Variants in ANXA2 observed in about 807,000 individuals in gnomAD.
ANXA2 encodes the protein annexin A2.
A neutral mutation model predicts 47.3 loss-of-function variants in ANXA2; 28 were observed. That is an observed-to-expected ratio of 0.59 (90% CI 0.44 to 0.81). ANXA2 has a LOEUF of 0.81. Among genes scored for constraint, ANXA2 ranks in the 40% least tolerant of loss-of-function variants. ANXA2 has a pLI of 0.00. For synonymous variants in ANXA2, 172 were observed against 155.5 expected, an observed-to-expected ratio of 1.11 and a Z score of -0.79; for missense variants, 384 against 414.3, an observed-to-expected ratio of 0.93 and a Z score of 0.64.
In ANXA2 at chr15:60,373,286, C is replaced by G. The variant is rs542841276; in HGVS notation, c.149-8763G>C. 4.5e-4 allele frequency among the ~76,000 whole-genome samples: 68 copies of G among 152,196 alleles called. 1 individual carries two copies. The South Asian group carries it at 0.013, about 30-fold the overall frequency. ...AATGCATGGCCACTAAAGGGATAAC[C>G]CAGTTGAGGTTTTCTTCAGCAGAAA... On this transcript the variant is annotated intron_variant, in intron 3 of 12. Coordinates refer to ENST00000451270, the MANE Select transcript of ANXA2 (RefSeq NM_004039.3).
At chr15:60,359,930 C>T (rs900066520) in intron 5 of ANXA2, among the ~76,000 whole-genome samples, 2 of 152,234 alleles carry the variant, frequency 1.3e-5, no homozygotes, top group African/African-American at 4.8e-5. Flanking sequence ...GTACAACATA[C>T]ATTAATGTGT....
chr15:60,397,898 C>T (rs772942595), intron 1 of ANXA2, 45 bp downstream of exon 1: 74 of 1,350,706 alleles, frequency 5.5e-5, no homozygotes, highest in Non-Finnish European at 6.9e-5. Context: ...CCACACCCCG[C>T]TAGCTGGCGG....
chr15:60,395,853 C>G (rs2414671), intron 1 of ANXA2: 151,070 of 152,348 alleles, frequency 0.99, 74,919 homozygotes, highest in Middle Eastern at 1. Flanking sequence ...AATGCACATA[C>G]ATGTCACATC....
At chr15:60,368,187 G>A (rs1321723149) in intron 3 of ANXA2, among the ~76,000 whole-genome samples, 1 of 147,182 alleles carries the variant, frequency 6.8e-6, no homozygotes, top group South Asian at 2.1e-4. Context: ...GAGGCCGCAG[G>A]GTCCTCTGCC....
At chr15:60,374,828 G>A in intron 3 of ANXA2, 1 of 398,082 alleles carries the variant, frequency 2.5e-6, no homozygotes, top group Non-Finnish European at 4.9e-6. Flanking sequence ...AACACAGAGA[G>A]AAAGGCCTCA....
At chr15:60,380,131 T>C (rs1291530313) in intron 3 of ANXA2, among the ~76,000 whole-genome samples, 1 of 152,220 alleles carries the variant, frequency 6.6e-6, no homozygotes, top group Admixed American at 6.5e-5. Flanking sequence ...TGGATGTGTA[T>C]GTGCATGTGT....
At chr15:60,350,333 G>A (rs959042651) in intron 11 of ANXA2, among the ~76,000 whole-genome samples, 5 of 152,158 alleles carry the variant, frequency 3.3e-5, no homozygotes, top group African/African-American at 9.7e-5. Flanking sequence ...GCAAGGCTCA[G>A]TTCAAGCAGT....
chr15:60,374,703 A>G lies in ANXA2; in HGVS notation c.148+7639T>C, dbSNP rs1239610003. 4 of 456,090 alleles carry G rather than the reference A, an allele frequency of 8.8e-6. No homozygotes were observed. In the East Asian group the frequency reaches 2.8e-4, roughly 32 times the overall value. The allele number at this position is 456,090 out of a possible 1,614,324, so 28.3% of individuals were successfully genotyped here. A position where few individuals can be genotyped will look rare whatever the true frequency, so the allele number is the denominator to read the frequency against. On this transcript the variant is annotated intron_variant, in intron 3 of 12. Transcript: ENST00000451270. ...GGCACCTACATAGATACATAGACAA[A>G]TATCACTACAAAGAAAATCTGTGCT...
At chr15:60,392,220 A>T (rs1045284746) in intron 1 of ANXA2, among the ~76,000 whole-genome samples, 2 of 152,180 alleles carry the variant, frequency 1.3e-5, no homozygotes, top group African/African-American at 4.8e-5. Flanking sequence ...ATGCCTGGCT[A>T]AAAAAGCTCA....
At chr15:60,397,695 C>A (rs1462821246) in intron 1 of ANXA2, among the ~76,000 whole-genome samples, 1 of 151,866 alleles carries the variant, frequency 6.6e-6, no homozygotes, top group African/African-American at 2.4e-5. Context: ...CCCGACCCCC[C>A]ACCACCTCTG....
chr15:60,357,268 G>A (rs768463925), intron 5 of ANXA2, 32 bp from the exon 6 acceptor site: 4 of 1,574,588 alleles, frequency 2.5e-6, no homozygotes, highest in Non-Finnish European at 3.5e-6. Context: ...CATCAGCAGG[G>A]AAATGCTTCC....
intron 7 of ANXA2, among the ~76,000 whole-genome samples, chr15:60,355,179 A>G (rs1384971039): frequency 6.6e-6 from 1 of 152,174 alleles, no homozygotes; most frequent in African/African-American, 2.4e-5. Context: ...TTTAAATTTG[A>G]TGCAGCAGAA....
chr15:60,382,322 A>C lies in ANXA2; in HGVS notation c.148+20T>G, dbSNP rs371647624. ...GTCTCAGTAAGACCCTGACAAGAAGAGGACAAATGTATCACCTACCTTTGG... is the reference window on the plus strand; with the variant it reads ...GTCTCAGTAAGACCCTGACAAGAAGCGGACAAATGTATCACCTACCTTTGG... On this transcript the variant is annotated intron_variant, in intron 3 of 12. Coordinates refer to ENST00000451270, the MANE Select transcript of ANXA2 (RefSeq NM_004039.3). 6.3e-7 allele frequency: 1 copy of C among 1,589,048 alleles called. No homozygotes were observed. Among genetic ancestry groups the C allele is most frequent in the Non-Finnish European group, 8.6e-7 (1 of 1,157,468 alleles).
intron 1 of ANXA2, among the ~76,000 whole-genome samples, chr15:60,396,672 T>A (rs2063084817): frequency 6.6e-6 from 1 of 152,230 alleles, no homozygotes; most frequent in Non-Finnish European, 1.5e-5. Flanking sequence ...GTCAGCACCT[T>A]CTGCAACACT....
At chr15:60,362,424 A>C (rs2062528920) in intron 4 of ANXA2, among the ~76,000 whole-genome samples, 1 of 152,234 alleles carries the variant, frequency 6.6e-6, no homozygotes, top group Admixed American at 6.5e-5. Flanking sequence ...GAAATGTATG[A>C]TAAATCAAAC....
At chr15:60,382,474 A>G (rs750751518) in intron 2 of ANXA2, 33 bp from the exon 3 acceptor site, 4 of 1,419,852 alleles carry the variant, frequency 2.8e-6, no homozygotes, top group Non-Finnish European at 3.0e-6. Flanking sequence ...CTCAAATGAC[A>G]CACATTTAAA....
At chr15:60,349,671 A>G (rs1281833407) in intron 11 of ANXA2, among the ~76,000 whole-genome samples, 1 of 151,738 alleles carries the variant, frequency 6.6e-6, no homozygotes, top group Non-Finnish European at 1.5e-5. Flanking sequence ...GTAACCGAAC[A>G]CTACTTGTTT....
chr15:60,382,593 C>G, intron 2 of ANXA2, 152 bp from the exon 3 acceptor site: 2 of 503,692 alleles, frequency 4.0e-6, no homozygotes, highest in South Asian at 3.0e-5. Context: ...CACCATCACA[C>G]TTCACGCAAG....
intron 5 of ANXA2, among the ~76,000 whole-genome samples, chr15:60,360,289 T>C (rs929552495): frequency 5.9e-5 from 9 of 152,118 alleles, no homozygotes; most frequent in Non-Finnish European, 1.2e-4. Context: ...AAAAACTTGA[T>C]ATTTTAAGTA....
Sources: allele counts gnomAD v4.1 joint callset (sites outside exome capture counted in the v4.1 genomes callset), GRCh38; gene constraint gnomAD v4.1.1; transcripts MANE v1.5; gene names NCBI Gene and HGNC (gene_info 2026-07-23, HGNC 2026-07-21).